The following AOPEP variants were observed in gnomAD, a reference collection of about 807,000 sequenced individuals.
AOPEP encodes the protein aminopeptidase O (putative).
AOPEP carries 77 observed loss-of-function variants against 98.1 expected under a neutral mutation model. That is an observed-to-expected ratio of 0.78 (90% CI 0.65 to 0.95). The LOEUF is 0.95. AOPEP is among the 40% of genes least tolerant of loss of function. The pLI is 0.00. For missense variants in AOPEP, 1,024 were observed against 1,024.7 expected, an observed-to-expected ratio of 1.00 and a Z score of 0.01; for synonymous variants, 346 against 365.3, an observed-to-expected ratio of 0.95 and a Z score of 0.60.
At chr9:94,832,312 A>C (rs1564214416) in intron 5 of AOPEP, among the ~76,000 whole-genome samples, 1 of 152,236 alleles carries the variant, frequency 6.6e-6, no homozygotes, top group Non-Finnish European at 1.5e-5. Context: ...ATTTATGAAA[A>C]GATGTTCAAC....
rs773353845 is a variant in AOPEP, at chr9:95,080,860, C to T, written c.2319+80C>T. On this transcript the variant is annotated intron_variant, in intron 15 of 16. Transcript: ENST00000375315. ...ACACAGGAATCCACGTTCTCAGTAT[C>T]TCTTTCATAACAAATAATTAAATCT... 7.6e-5 allele frequency: 71 copies of T among 930,996 alleles called. No individual in the cohort carries two copies. The South Asian group carries it at 8.9e-4, about 12-fold the overall frequency. 57.7% of individuals were successfully genotyped at this position (930,996 alleles called of 1,614,324 possible). A position where few individuals can be genotyped will look rare whatever the true frequency, so the allele number is the denominator to read the frequency against.
intron 13 of AOPEP, among the ~76,000 whole-genome samples, chr9:95,036,986 G>C (rs1183247078): frequency 6.6e-6 from 1 of 152,202 alleles, no homozygotes; most frequent in African/African-American, 2.4e-5. Context: ...GCTACTTGCA[G>C]AAAGTGGTAA....
At chr9:94,806,358 C>T (rs1180552093) in intron 5 of AOPEP, among the ~76,000 whole-genome samples, 1 of 151,884 alleles carries the variant, frequency 6.6e-6, no homozygotes, top group Non-Finnish European at 1.5e-5. Context: ...CATTTCTTTC[C>T]CCTGTTGTGT....
intron 6 of AOPEP, among the ~76,000 whole-genome samples, chr9:94,926,619 A>C (rs1381185172): frequency 1.3e-5 from 2 of 152,178 alleles, no homozygotes; most frequent in African/African-American, 4.8e-5. Flanking sequence ...CAGACCGTCC[A>C]GGGAGTGGGG....
chr9:95,060,531 C>T (rs1023771092), intron 13 of AOPEP, among the ~76,000 whole-genome samples, 163 bp from the exon 14 acceptor site: 1 of 152,156 alleles, frequency 6.6e-6, no homozygotes, highest in Non-Finnish European at 1.5e-5. Flanking sequence ...ACAATGTAGG[C>T]CCTGAGGAAT....
the AOPEP span, chr9:95,110,263 A>G: frequency 2.2e-5 from 22 of 1,010,098 alleles, no homozygotes; most frequent in Non-Finnish European, 2.1e-5. Flanking sequence ...TTATACTTCA[A>G]AAGTGATTCT....
chr9:94,799,755 A>T (rs916535754), intron 4 of AOPEP, among the ~76,000 whole-genome samples: 2 of 152,038 alleles, frequency 1.3e-5, no homozygotes, highest in Non-Finnish European at 2.9e-5. Context: ...CCAGCTACTC[A>T]GGAGGCTGAG....
intron 7 of AOPEP, among the ~76,000 whole-genome samples, chr9:94,945,588 C>T (rs1008833676): frequency 1.9e-4 from 29 of 152,154 alleles, no homozygotes; most frequent in African/African-American, 6.8e-4. Flanking sequence ...CCACCCCTGC[C>T]GCTGCCGCCC....
the AOPEP span, chr9:95,111,512 G>A: frequency 1.2e-6 from 2 of 1,614,052 alleles, no homozygotes; most frequent in African/African-American, 1.3e-5. Flanking sequence ...GTAGTAGAAG[G>A]CCAAGAGCCA....
the AOPEP span, among the ~76,000 whole-genome samples, chr9:95,134,294 C>G: frequency 2.0e-5 from 3 of 152,196 alleles, no homozygotes; most frequent in Non-Finnish European, 4.4e-5. Context: ...CCCAACTGAA[C>G]TAAACAAGTT....
chr9:94,789,731 C>T (rs1013731340), intron 3 of AOPEP, among the ~76,000 whole-genome samples: 2 of 152,202 alleles, frequency 1.3e-5, no homozygotes, highest in African/African-American at 2.4e-5. Context: ...GTGACTGTCC[C>T]TACCTCCTTC....
Position 94,972,682 on chromosome 9 carries a change from A to G in AOPEP, c.1916+4881A>G, listed in dbSNP as rs541685619. 3.3e-4 allele frequency among the ~76,000 whole-genome samples: 50 copies of G among 152,340 alleles called. No homozygotes were observed. The highest frequency in any genetic ancestry group is 1.2e-3 in the African/African-American group (49 of 41,574). ...GCTGGGCACCGTGGCTCATGCCTGT[A>G]ATCCCAGCACTTTGGGAGGCCAAGG... On this transcript the variant is annotated intron_variant, in intron 10 of 16. Coordinates refer to ENST00000375315, the MANE Select transcript of AOPEP (RefSeq NM_001193329.3). The surrounding 1 kb of genome is among the most constrained non-coding windows in gnomAD (Gnocchi z 4.2).
chr9:94,771,171 C>T (rs975571922), intron 2 of AOPEP, among the ~76,000 whole-genome samples: 2 of 152,150 alleles, frequency 1.3e-5, no homozygotes, highest in African/African-American at 4.8e-5. Context: ...AGAGAGGAGA[C>T]CAACATCTTG....
At chr9:94,912,751 C>G (rs558701538) in intron 5 of AOPEP, among the ~76,000 whole-genome samples, 12 of 152,310 alleles carry the variant, frequency 7.9e-5, no homozygotes, top group African/African-American at 2.9e-4. Flanking sequence ...CGCGTTTCTT[C>G]CATGTTAAAC....
At chr9:94,798,613 A>G (rs1588270580) in intron 4 of AOPEP, among the ~76,000 whole-genome samples, 1 of 152,330 alleles carries the variant, frequency 6.6e-6, no homozygotes, top group East Asian at 1.9e-4. Context: ...TGTGGTAGAT[A>G]TAATTTAAGC....
intron 11 of AOPEP, among the ~76,000 whole-genome samples, chr9:94,989,814 T>C (rs1159040384): frequency 6.6e-6 from 1 of 151,450 alleles, no homozygotes. Context: ...TTTCACCATA[T>C]TGGCCAGGCT....
At chr9:94,933,110 G>A (rs763308001) in intron 7 of AOPEP, 15 of 985,660 alleles carry the variant, frequency 1.5e-5, no homozygotes, top group Non-Finnish European at 1.8e-5. Context: ...TCTGATTTCA[G>A]TGTTCCTTTC....
At chr9:94,956,196 G>A (rs1054600837) in intron 9 of AOPEP, among the ~76,000 whole-genome samples, 181 bp downstream of exon 9, 2 of 152,200 alleles carry the variant, frequency 1.3e-5, no homozygotes, top group African/African-American at 2.4e-5. Context: ...TGATCTCTCT[G>A]TAGTTTTGAA....
At chr9:94,736,598 T>C (rs1241520014) in intron 1 of AOPEP, among the ~76,000 whole-genome samples, 1 of 152,230 alleles carries the variant, frequency 6.6e-6, no homozygotes, top group Admixed American at 6.5e-5. Flanking sequence ...TAAAATGTTT[T>C]GTGAATTTTT....
Sources: allele counts gnomAD v4.1 joint callset (sites outside exome capture counted in the v4.1 genomes callset), GRCh38; gene constraint gnomAD v4.1.1; non-coding constraint Gnocchi (gnomAD v3.1); transcripts MANE v1.5; gene names NCBI Gene and HGNC (gene_info 2026-07-23, HGNC 2026-07-21).